The following CTNNA2 variants were observed in gnomAD, a reference collection of about 807,000 sequenced individuals.
CTNNA2 encodes the protein catenin alpha 2.
A neutral mutation model predicts 101.0 loss-of-function variants in CTNNA2; 42 were observed. The ratio of observed to expected loss-of-function variants is 0.42; its 90% CI spans 0.32 to 0.54. The LOEUF (loss-of-function observed/expected upper bound fraction) is 0.54. Among genes scored for constraint, CTNNA2 ranks in the 20% least tolerant of loss-of-function variants. CTNNA2 has a pLI of 0.14. For missense variants in CTNNA2, 871 were observed against 1,223.1 expected (o/e 0.71, Z 4.29); for synonymous variants, 450 against 456.4 (o/e 0.99, Z 0.18).
intron 7 of CTNNA2, among the ~76,000 whole-genome samples, chr2:80,080,143 G>A (rs1444854729): frequency 1.3e-5 from 2 of 152,274 alleles, no homozygotes; most frequent in South Asian, 2.1e-4. Context: ...GGGCATGGCA[G>A]CATTGTAAAG....
chr2:79,310,618 C>A (rs944365618), intron 2 of CTNNA2, among the ~76,000 whole-genome samples: 1 of 152,156 alleles, frequency 6.6e-6, no homozygotes, highest in Non-Finnish European at 1.5e-5. Flanking sequence ...AACTTGGGTG[C>A]TGCAACCAAT....
chr2:79,587,568 G>A (rs1362441855), intron 1 of CTNNA2, among the ~76,000 whole-genome samples: 1 of 151,712 alleles, frequency 6.6e-6, no homozygotes, highest in East Asian at 1.9e-4. Context: ...TCATTCCATG[G>A]CACTAATGTC....
intron 2 of CTNNA2, among the ~76,000 whole-genome samples, chr2:79,271,409 G>A (rs998807991): frequency 1.1e-4 from 16 of 152,150 alleles, no homozygotes; most frequent in African/African-American, 3.6e-4. Flanking sequence ...CAGAATTCTT[G>A]GAAAGACTGA....
At chr2:80,571,529 G>T (rs1694594360) in intron 12 of CTNNA2, among the ~76,000 whole-genome samples, 1 of 152,102 alleles carries the variant, frequency 6.6e-6, no homozygotes, top group Admixed American at 6.6e-5. Flanking sequence ...ATTTAAAGTG[G>T]TATATATCCT....
intron 4 of CTNNA2, among the ~76,000 whole-genome samples, chr2:79,451,823 A>C (rs1037625899): frequency 2.4e-4 from 36 of 151,610 alleles, no homozygotes; most frequent in African/African-American, 8.4e-4. Flanking sequence ...TATACATTAT[A>C]TTGTATGCTA....
intron 7 of CTNNA2, among the ~76,000 whole-genome samples, chr2:80,116,410 A>C (rs1558823709): frequency 6.6e-6 from 1 of 151,256 alleles, no homozygotes. Context: ...ACACAATTAG[A>C]TTTTAGAATT....
chr2:79,369,200 G>A (rs1011291482), intron 3 of CTNNA2, among the ~76,000 whole-genome samples: 4 of 152,128 alleles, frequency 2.6e-5, no homozygotes, highest in Admixed American at 6.5e-5. Context: ...CTAGTCAGTA[G>A]CCTTCCACTC....
chr2:79,849,811 G>A (rs1574126176), intron 3 of CTNNA2, among the ~76,000 whole-genome samples: 1 of 152,270 alleles, frequency 6.6e-6, no homozygotes, highest in South Asian at 2.1e-4. Context: ...ATTGTAGAGT[G>A]TATAGCATCT....
chr2:79,766,824 C>T (rs936802611), intron 3 of CTNNA2, among the ~76,000 whole-genome samples: 7 of 151,758 alleles, frequency 4.6e-5, no homozygotes, highest in Admixed American at 6.6e-5. Context: ...GGCATGATCT[C>T]GGCTCACCGC....
chr2:80,380,269 T>C (rs11693290), intron 7 of CTNNA2, among the ~76,000 whole-genome samples: 58,692 of 151,910 alleles, frequency 0.39, 14,223 homozygotes, highest in African/African-American at 0.69. Flanking sequence ...ATCTCCTGAC[T>C]TTGTGATCCT....
In CTNNA2 at chr2:80,141,039, G is replaced by GTATT. The variant is rs907039088; in HGVS notation, c.1056+231260_1056+231263dup. Reference sequence around the variant, plus strand: ...TCTGGGCTCCCTCCTTTTTAAAAATGTATTTATTTATTTATTTATTTTACT... The same window carrying GTATT: ...TCTGGGCTCCCTCCTTTTTAAAAATGTATTTATTTATTTATTTATTTATTTTACT... On this transcript the variant is annotated intron_variant, in intron 7 of 18. Coordinates refer to ENST00000402739, the MANE Select transcript of CTNNA2 (RefSeq NM_001282597.3). Among the ~76,000 whole-genome samples, 260 of 152,046 alleles carry GTATT rather than the reference G, an allele frequency of 1.7e-3. 2 individuals carry two copies. The highest frequency in any genetic ancestry group is 5.9e-3 in the African/African-American group (243 of 41,484).
intron 7 of CTNNA2, among the ~76,000 whole-genome samples, chr2:80,283,294 G>A (rs1461067716): frequency 6.6e-6 from 1 of 152,092 alleles, no homozygotes; most frequent in Non-Finnish European, 1.5e-5. Flanking sequence ...GAATATCAGA[G>A]ATGTTTGAAC....
At chr2:79,292,346 T>A (rs1297391155) in intron 2 of CTNNA2, among the ~76,000 whole-genome samples, 2 of 152,196 alleles carry the variant, frequency 1.3e-5, no homozygotes, top group Admixed American at 1.3e-4. Flanking sequence ...CTGAATGCCA[T>A]AGTTCACTCT....
chr2:79,684,633 G>C lies in CTNNA2; in HGVS notation c.102+32975G>C, dbSNP rs574112137. Among the ~76,000 whole-genome samples, 5 of 152,214 alleles carry C rather than the reference G, an allele frequency of 3.3e-5. No individual in the cohort carries two copies. The South Asian group carries it at 1.0e-3, about 32-fold the overall frequency. ...TCATGAAGGATTCCAATACTTTACT[G>C]TGTTATTTGAAAACCAAACCCAAAA... On this transcript the variant is annotated intron_variant, in intron 2 of 18. Coordinates refer to ENST00000402739, the MANE Select transcript of CTNNA2 (RefSeq NM_001282597.3).
chr2:79,460,547 C>T (rs1363423174), intron 4 of CTNNA2, among the ~76,000 whole-genome samples: 1 of 152,126 alleles, frequency 6.6e-6, no homozygotes, highest in African/African-American at 2.4e-5. Context: ...CACAATAGGC[C>T]AATTTCTCAC....
At chr2:80,372,531 C>A (rs1675541867) in intron 7 of CTNNA2, among the ~76,000 whole-genome samples, 2 of 152,052 alleles carry the variant, frequency 1.3e-5, no homozygotes, top group African/African-American at 4.8e-5. Flanking sequence ...TGAACATGTT[C>A]ATTGGTGTCT....
chr2:80,120,524 G>A (rs1010655254), intron 7 of CTNNA2, among the ~76,000 whole-genome samples: 49 of 152,168 alleles, frequency 3.2e-4, no homozygotes, highest in Non-Finnish European at 6.9e-4. Flanking sequence ...AGTTGCATGG[G>A]GATCAGGTGG....
intron 9 of CTNNA2, among the ~76,000 whole-genome samples, chr2:80,459,639 C>T (rs1271598516): frequency 6.6e-6 from 1 of 152,118 alleles, no homozygotes; most frequent in Non-Finnish European, 1.5e-5. Flanking sequence ...CAATTCCTAA[C>T]CTGGAACATA....
chr2:80,470,249 C>T (rs1209724210), intron 9 of CTNNA2, among the ~76,000 whole-genome samples: 3 of 152,158 alleles, frequency 2.0e-5, no homozygotes, highest in Admixed American at 2.0e-4. Context: ...TGCTGTTGAA[C>T]ATACTTCTTG....
Sources: gnomAD v4.1 joint callset for allele counts (sites outside exome capture counted in the v4.1 genomes callset) on GRCh38, gnomAD v4.1.1 for gene constraint, MANE v1.5 for transcripts, NCBI Gene and HGNC (gene_info 2026-07-23, HGNC 2026-07-21) for gene names.